PAH: variants seen among roughly 807,000 people sequenced by gnomAD.
The protein encoded by PAH is phenylalanine-4-hydroxylase.
In PAH, 64 loss-of-function variants were observed where a neutral mutation model predicts 62.0. That is an observed-to-expected ratio of 1.03 (90% CI 0.84 to 1.27). The LOEUF is 1.27. Ranked by LOEUF, PAH falls within the 50% of genes most tolerant of loss-of-function variation. PAH has a pLI of 0.00. For missense variants in PAH, 579 were observed against 542.8 expected (o/e 1.07, Z -0.66); for synonymous variants, 195 against 196.2 (o/e 0.99, Z 0.05).
chr12:102,882,403 C>T (rs950915183), intron 3 of PAH, among the ~76,000 whole-genome samples: 13 of 152,042 alleles, frequency 8.6e-5, no homozygotes, highest in African/African-American at 2.9e-4. Context: ...TATTACATCT[C>T]TTTGTGCCTC....
intron 9 of PAH, among the ~76,000 whole-genome samples, chr12:102,846,530 A>C (rs1874851031): frequency 6.6e-6 from 1 of 152,196 alleles, no homozygotes; most frequent in Non-Finnish European, 1.5e-5. Flanking sequence ...AAAGATCCTA[A>C]TGTATGCTCT....
chr12:102,871,949 A>AATATATATATATAT (rs1232144620), intron 4 of PAH, among the ~76,000 whole-genome samples: 2 of 30,322 alleles, frequency 6.6e-5, no homozygotes, highest in African/African-American at 3.2e-4. Context: ...AAAAAAAAAA[A>AATATATATATATAT]ATATATATAT....
intron 8 of PAH, among the ~76,000 whole-genome samples, chr12:102,850,234 C>T (rs1347099765): frequency 6.6e-6 from 1 of 152,194 alleles, no homozygotes; most frequent in African/African-American, 2.4e-5. Context: ...CAACTAATCC[C>T]GAAACACTTC....
In PAH at chr12:102,877,519, C is replaced by G. The variant is rs879012174; in HGVS notation, c.384G>C (p.Leu128=). Residue 128 remains leucine, a synonymous_variant, in exon 4 of 13, where the codon CTG becomes CTC. Coordinates refer to ENST00000553106, the MANE Select transcript of PAH (RefSeq NM_000277.3). Reference sequence around the variant, plus strand: ...TGAGAATCTGATTGGCAAATCTGTCCAGCTCTTGAATGGTTCTTGGGAACC... The same window carrying G: ...TGAGAATCTGATTGGCAAATCTGTCGAGCTCTTGAATGGTTCTTGGGAACC... ...VPWFPRTIQE[L]DRFANQILSY... is the part of the protein sequence containing the mutation. 6.2e-7 allele frequency: 1 copy of G among 1,613,946 alleles called. No individual in the cohort carries two copies. Among genetic ancestry groups the G allele is most frequent in the South Asian group, 1.1e-5 (1 of 91,078 alleles).
At chr12:102,918,281 G>C (rs1038994384), upstream of PAH, among the ~76,000 whole-genome samples, 3 of 152,128 alleles carry the variant, frequency 2.0e-5, no homozygotes, top group Admixed American at 1.3e-4. Context: ...CTGGAAAGCA[G>C]GTTCAGAGGT....
intron 1 of PAH, chr12:102,946,551 C>T (rs1879504072): frequency 6.6e-6 from 1 of 152,336 alleles, no homozygotes; most frequent in Non-Finnish European, 1.5e-5. Context: ...AGGACAATGC[C>T]AAGTCCCACA....
In PAH at chr12:102,844,362, GC is replaced by G. The variant is rs62516063; in HGVS notation, c.1038del (p.Leu347SerfsTer53). 2 of 1,613,200 alleles carry G rather than the reference GC, an allele frequency of 1.2e-6. No individual in the cohort carries two copies. Among genetic ancestry groups the G allele is most frequent in the Non-Finnish European group, 1.7e-6 (2 of 1,179,180 alleles). ...QGDSIKAYGA[G>X]LLSSFGELQY... ...TGTAATTCACCAAAGGATGACAGGAGCCCAGCACCATATGCCTTTATGGAGT... is the reference window on the plus strand; with the variant it reads ...TGTAATTCACCAAAGGATGACAGGAGCCAGCACCATATGCCTTTATGGAGT... On this transcript the variant is annotated frameshift_variant, in exon 10 of 13. Coordinates refer to ENST00000553106, the MANE Select transcript of PAH (RefSeq NM_000277.3). LOFTEE classifies it high-confidence loss of function.
chr12:102,864,491 C>A (rs1340499219), intron 5 of PAH, among the ~76,000 whole-genome samples: 1 of 152,074 alleles, frequency 6.6e-6, no homozygotes, highest in Admixed American at 6.5e-5. Context: ...TCAATTCTAA[C>A]CCTGCCGCTT....
chr12:102,847,933 C>A (rs544532183), intron 8 of PAH, among the ~76,000 whole-genome samples: 1 of 152,134 alleles, frequency 6.6e-6, no homozygotes, highest in African/African-American at 2.4e-5. Context: ...AGGGAGGAAC[C>A]AATGTGGCTG....
chr12:102,851,228 T>C (rs898473483), intron 8 of PAH, among the ~76,000 whole-genome samples: 2 of 152,322 alleles, frequency 1.3e-5, no homozygotes, highest in African/African-American at 2.4e-5. Flanking sequence ...ATTTTTTTCT[T>C]TGTTAACTCT....
chr12:102,875,972 A>G (rs1876546853), intron 4 of PAH, among the ~76,000 whole-genome samples: 1 of 151,450 alleles, frequency 6.6e-6, no homozygotes. Flanking sequence ...GAAAGGAGGA[A>G]GGATGGAGGC....
chr12:102,951,277 A>C (rs7313903), upstream of PAH, among the ~76,000 whole-genome samples: 65,742 of 151,998 alleles, frequency 0.43, 15,443 homozygotes, highest in African/African-American at 0.62. Context: ...CGGAGCACAG[A>C]GCCTGGCCCC....
At chr12:102,846,803 A>C in intron 9 of PAH, 92 bp downstream of exon 9, 1 of 1,022,968 alleles carries the variant, frequency 9.8e-7, no homozygotes. Flanking sequence ...TCCCCAGATA[A>C]CCTGGCTTCC....
At chr12:102,853,755 G>A (rs531894739) in intron 6 of PAH, among the ~76,000 whole-genome samples, 2 of 152,328 alleles carry the variant, frequency 1.3e-5, no homozygotes, top group East Asian at 3.9e-4. Flanking sequence ...GATAGTGACA[G>A]TGATAATGGT....
At chr12:102,863,434 G>A (rs1160258660) in intron 5 of PAH, among the ~76,000 whole-genome samples, 3 of 152,134 alleles carry the variant, frequency 2.0e-5, no homozygotes, top group Non-Finnish European at 4.4e-5. Context: ...AGGTTCAGGT[G>A]AGGAGAGACT....
chr12:102,931,904 T>C (rs1320752478), intron 1 of PAH, among the ~76,000 whole-genome samples: 1 of 152,190 alleles, frequency 6.6e-6, no homozygotes, highest in African/African-American at 2.4e-5. Context: ...TGGCAGCCCC[T>C]GTACTAGACA....
intron 3 of PAH, among the ~76,000 whole-genome samples, chr12:102,889,677 C>T (rs756902775): frequency 2.0e-5 from 3 of 152,144 alleles, no homozygotes; most frequent in Non-Finnish European, 2.9e-5. Context: ...ATAGATTAAA[C>T]AAAACCCAAC....
intron 1 of PAH, among the ~76,000 whole-genome samples, chr12:102,940,860 C>A (rs749450770): frequency 6.6e-6 from 1 of 152,030 alleles, no homozygotes; most frequent in African/African-American, 2.4e-5. Context: ...ATCCCCAAGA[C>A]ACATAGTCAT....
chr12:102,840,278 G>A (rs1874526935), intron 12 of PAH, 122 bp downstream of exon 12: 2 of 703,046 alleles, frequency 2.8e-6, no homozygotes, highest in Non-Finnish European at 5.2e-6. Context: ...CTTACATGGA[G>A]GTGCTTTTCT....
Sources: gnomAD v4.1 joint callset for allele counts (sites outside exome capture counted in the v4.1 genomes callset) on GRCh38, gnomAD v4.1.1 for gene constraint, MANE v1.5 for transcripts, NCBI Gene and HGNC (gene_info 2026-07-23, HGNC 2026-07-21) for gene names.